The following RABGAP1L variants were observed in gnomAD, a reference collection of about 807,000 sequenced individuals.
RABGAP1L encodes rab GTPase-activating protein 1-like.
In RABGAP1L, 63 loss-of-function variants were observed where a neutral mutation model predicts 137.7. The observed-to-expected ratio is 0.46, with a 90% confidence interval of 0.37 to 0.56. RABGAP1L has a LOEUF of 0.56. RABGAP1L is among the 20% of genes least tolerant of loss of function. The pLI, the probability that RABGAP1L is intolerant of heterozygous loss-of-function variation, is 0.00. For missense variants in RABGAP1L, 1,095 were observed against 1,244.0 expected, an observed-to-expected ratio of 0.88 and a Z score of 1.80; for synonymous variants, 431 against 433.7, an observed-to-expected ratio of 0.99 and a Z score of 0.08.
chr1:174,649,810 C>G (rs367803252), intron 14 of RABGAP1L, among the ~76,000 whole-genome samples: 6 of 152,086 alleles, frequency 3.9e-5, no homozygotes, highest in Admixed American at 2.0e-4. Flanking sequence ...CTTTTCCTAA[C>G]TGAATACCCT....
At chr1:174,827,520 C>T (rs1691707043) in intron 19 of RABGAP1L, among the ~76,000 whole-genome samples, 1 of 125,650 alleles carries the variant, frequency 8.0e-6, no homozygotes, top group African/African-American at 2.8e-5. Flanking sequence ...CATTTCTTCT[C>T]AATTTCTCTG....
intron 13 of RABGAP1L, among the ~76,000 whole-genome samples, chr1:174,487,209 G>A (rs1659755881): frequency 6.6e-6 from 1 of 152,120 alleles, no homozygotes; most frequent in African/African-American, 2.4e-5. Flanking sequence ...GTGTAATGCT[G>A]AAAGTGGGGT....
chr1:174,969,908 T>C (rs1396607124), intron 21 of RABGAP1L, among the ~76,000 whole-genome samples: 1 of 152,190 alleles, frequency 6.6e-6, no homozygotes, highest in Non-Finnish European at 1.5e-5. Context: ...TCTTAAGCTG[T>C]CTATAGGTAT....
intron 13 of RABGAP1L, among the ~76,000 whole-genome samples, chr1:174,615,691 C>T (rs1211502854): frequency 2.0e-5 from 3 of 152,212 alleles, no homozygotes; most frequent in East Asian, 1.9e-4. Context: ...GTGGAGCCTA[C>T]AGAGGCAGGC....
At chr1:174,513,236 G>A (rs145401802) in intron 13 of RABGAP1L, among the ~76,000 whole-genome samples, 1 of 152,100 alleles carries the variant, frequency 6.6e-6, no homozygotes, top group Admixed American at 6.5e-5. Context: ...ATAATTTTAA[G>A]TATTATTTAC....
At chr1:174,225,315 G>A (rs1435789918) in intron 3 of RABGAP1L, among the ~76,000 whole-genome samples, 4 of 151,740 alleles carry the variant, frequency 2.6e-5, no homozygotes, top group South Asian at 2.1e-4. Flanking sequence ...GTGTTTTCAC[G>A]TTTATTTTAT....
chr1:174,925,369 A>C (rs1163637914), intron 19 of RABGAP1L, among the ~76,000 whole-genome samples: 3 of 149,312 alleles, frequency 2.0e-5, no homozygotes, highest in African/African-American at 7.6e-5. Context: ...AAAAAAAAAA[A>C]AAAAAAAAAA....
intron 16 of RABGAP1L, chr1:174,700,514 G>C (rs1292679522): frequency 6.6e-6 from 1 of 152,534 alleles, no homozygotes; most frequent in East Asian, 1.9e-4. Context: ...GGGATCCGTA[G>C]GTGTCTAAAG....
At chr1:174,833,408 G>GTGTGTATATATATA (rs754029582) in intron 19 of RABGAP1L, among the ~76,000 whole-genome samples, 20 of 67,680 alleles carry the variant, frequency 3.0e-4, no homozygotes, top group African/African-American at 8.1e-4. Flanking sequence ...GTGTATGTGT[G>GTGTGTATATATATA]TATGTGTGTG....
chr1:174,840,720 G>A (rs534734941), intron 19 of RABGAP1L, among the ~76,000 whole-genome samples: 2 of 151,676 alleles, frequency 1.3e-5, no homozygotes, highest in African/African-American at 2.4e-5. Context: ...GGAGACTGAG[G>A]CAGGAGAATT....
intron 11 of RABGAP1L, among the ~76,000 whole-genome samples, chr1:174,320,893 A>G (rs911015813): frequency 6.6e-6 from 1 of 152,168 alleles, no homozygotes; most frequent in Non-Finnish European, 1.5e-5. Flanking sequence ...ACAGGGTAAC[A>G]GTGATGTTCA....
At chr1:174,807,410 C>T (rs897380111) in intron 18 of RABGAP1L, among the ~76,000 whole-genome samples, 1 of 152,140 alleles carries the variant, frequency 6.6e-6, no homozygotes, top group African/African-American at 2.4e-5. Context: ...ACATCCAAAT[C>T]TTTGCAGAAC....
chr1:174,921,817 G>A (rs1228723152), intron 19 of RABGAP1L, among the ~76,000 whole-genome samples: 3 of 152,086 alleles, frequency 2.0e-5, no homozygotes, highest in African/African-American at 7.2e-5. Context: ...CCCTAATAAT[G>A]AGCTTCCTAA....
intron 13 of RABGAP1L, among the ~76,000 whole-genome samples, chr1:174,599,521 G>T (rs1026184787): frequency 3.9e-5 from 6 of 152,112 alleles, no homozygotes; most frequent in Non-Finnish European, 5.9e-5. Context: ...TTGTAGGATA[G>T]GTCAGCAATT....
At chr1:174,786,856 G>T (rs1311654163) in intron 18 of RABGAP1L, among the ~76,000 whole-genome samples, 2 of 151,880 alleles carry the variant, frequency 1.3e-5, no homozygotes, top group African/African-American at 4.8e-5. Context: ...ATTTCTTCAC[G>T]TGAGCATCAT....
intron 13 of RABGAP1L, among the ~76,000 whole-genome samples, chr1:174,616,974 C>T (rs1671946468): frequency 6.6e-6 from 1 of 152,092 alleles, no homozygotes; most frequent in Non-Finnish European, 1.5e-5. Flanking sequence ...GTTGAAGTCA[C>T]AGGAATGGAT....
At chr1:174,632,495 C>G (rs1437276818) in intron 13 of RABGAP1L, among the ~76,000 whole-genome samples, 1 of 150,500 alleles carries the variant, frequency 6.6e-6, no homozygotes, top group Non-Finnish European at 1.5e-5. Flanking sequence ...TGTTTTCCAA[C>G]TTGGTTCCAT....
At chr1:174,272,064 A>G (rs1211732478) in intron 7 of RABGAP1L, among the ~76,000 whole-genome samples, 1 of 152,060 alleles carries the variant, frequency 6.6e-6, no homozygotes, top group Non-Finnish European at 1.5e-5. Flanking sequence ...TTTGACCTAT[A>G]TGTTTGGAAT....
intron 17 of RABGAP1L, among the ~76,000 whole-genome samples, chr1:174,708,810 C>G (rs1338248225): frequency 2.0e-5 from 3 of 152,160 alleles, no homozygotes; most frequent in Non-Finnish European, 4.4e-5. Context: ...GCCTGGAATG[C>G]CAGTGAGACA....
Sources: gnomAD v4.1 joint callset for allele counts (sites outside exome capture counted in the v4.1 genomes callset) on GRCh38, gnomAD v4.1.1 for gene constraint, MANE v1.5 for transcripts, NCBI Gene and HGNC (gene_info 2026-07-23, HGNC 2026-07-21) for gene names.